The following ARL6IP6 variants were observed in gnomAD, a reference collection of about 807,000 sequenced individuals.
The protein encoded by ARL6IP6 is ADP-ribosylation factor-like protein 6-interacting protein 6.
A neutral mutation model predicts 21.5 loss-of-function variants in ARL6IP6; 22 were observed. That is an observed-to-expected ratio of 1.02 (90% CI 0.73 to 1.46). The LOEUF (loss-of-function observed/expected upper bound fraction) is 1.46, where lower values mean the gene tolerates loss of function less well. Ranked by LOEUF, ARL6IP6 falls within the 40% of genes most tolerant of loss-of-function variation. The pLI is 0.00. For synonymous variants in ARL6IP6, 164 were observed against 125.3 expected (o/e 1.31, Z -2.06); for missense variants, 388 against 299.8 (o/e 1.29, Z -2.17).
chr2:152,726,850 G>A (rs573522113), intron 2 of ARL6IP6, among the ~76,000 whole-genome samples: 1 of 152,168 alleles, frequency 6.6e-6, no homozygotes, highest in Middle Eastern at 3.4e-3. Flanking sequence ...TCACATGTTG[G>A]TGTTGATGCT....
At chr2:152,753,813 C>T (rs1274475101) in intron 3 of ARL6IP6, among the ~76,000 whole-genome samples, 1 of 151,796 alleles carries the variant, frequency 6.6e-6, no homozygotes, top group African/African-American at 2.4e-5. Context: ...CATTCTGCCT[C>T]AGCCTCACGA....
chr2:152,725,569 G>T (rs564370448), intron 2 of ARL6IP6, among the ~76,000 whole-genome samples: 1 of 151,958 alleles, frequency 6.6e-6, no homozygotes, highest in African/African-American at 2.4e-5. Context: ...GAGCAAAGAA[G>T]ATTGTTGTCC....
intron 3 of ARL6IP6, among the ~76,000 whole-genome samples, chr2:152,744,108 T>A (rs115665212): frequency 2.0e-5 from 3 of 152,268 alleles, no homozygotes; most frequent in Non-Finnish European, 4.4e-5. Flanking sequence ...TTTAATGACC[T>A]CGAACATCTA....
At chr2:152,729,077 T>C (rs1700178147) in intron 2 of ARL6IP6, among the ~76,000 whole-genome samples, 1 of 149,940 alleles carries the variant, frequency 6.7e-6, no homozygotes, top group Admixed American at 6.7e-5. Flanking sequence ...AAAAAATTAA[T>C]ATACATCACT....
chr2:152,729,713 C>T lies in ARL6IP6; in HGVS notation c.455-5281C>T, dbSNP rs73971959. On this transcript the variant is annotated intron_variant, in intron 2 of 3. Transcript: ENST00000326446. ...AAAATAAGCTGAGAAGATATATATA[C>T]GTTTTATATATAACTAGCTTTATAT... 4.1e-3 allele frequency among the ~76,000 whole-genome samples: 616 copies of T among 152,084 alleles called. 8 individuals carry two copies. The highest frequency in any genetic ancestry group is 0.014 in the African/African-American group (591 of 41,464).
rs1339238111 is a variant in ARL6IP6, at chr2:152,761,060, G to C, written c.*1220G>C. On this transcript the variant is annotated 3_prime_UTR_variant, in exon 4 of 4. Transcript: ENST00000326446. ...CTGGCCATAGGAAAACTTACAATAA[G>C]AAACCATTAAGTAGTCAAACTGCTT... 6.6e-6 allele frequency: 1 copy of C among 152,116 alleles called. No homozygotes were observed. The highest frequency in any genetic ancestry group is 1.5e-5 in the Non-Finnish European group (1 of 67,996). The allele number at this position is 152,116 out of a possible 1,614,324, so 9.4% of individuals were successfully genotyped here.
chr2:152,748,798 G>A (rs1184522335), intron 3 of ARL6IP6, among the ~76,000 whole-genome samples: 1 of 152,178 alleles, frequency 6.6e-6, no homozygotes, highest in East Asian at 1.9e-4. Context: ...GAAAATACAG[G>A]AATAAATATG....
rs933554669 is a variant in ARL6IP6 at position 152,760,868 on chromosome 2, G to A, written c.*1028G>A. 2.6e-5 allele frequency: 4 copies of A among 151,750 alleles called. No homozygotes were observed. The highest frequency in any genetic ancestry group is 9.7e-5 in the African/African-American group (4 of 41,306). 9.4% of individuals were successfully genotyped at this position (151,750 alleles called of 1,614,324 possible). On this transcript the variant is annotated 3_prime_UTR_variant, in exon 4 of 4. Coordinates refer to ENST00000326446, the MANE Select transcript of ARL6IP6 (RefSeq NM_152522.7). ...TACTAGATATTAAAAACTACATATA[G>A]TTAATATAATTTTATAATTTTTGTA... is the stretch of plus-strand genomic sequence containing the variant.
intron 2 of ARL6IP6, among the ~76,000 whole-genome samples, chr2:152,724,791 A>G (rs889986448): frequency 2.6e-5 from 4 of 152,186 alleles, no homozygotes; most frequent in South Asian, 2.1e-4. Context: ...ATGGAGCCCA[A>G]GAATTTTCAT....
At chr2:152,750,965 A>G (rs1057047353) in intron 3 of ARL6IP6, among the ~76,000 whole-genome samples, 1 of 152,232 alleles carries the variant, frequency 6.6e-6, no homozygotes, top group Non-Finnish European at 1.5e-5. Flanking sequence ...TCAAAAATAT[A>G]TAAGCCTTGT....
At chr2:152,732,481 C>G in intron 2 of ARL6IP6, 1 of 403,916 alleles carries the variant, frequency 2.5e-6, no homozygotes, top group Non-Finnish European at 5.0e-6. Flanking sequence ...TTGCATTTAA[C>G]TTTATATTTG....
At chr2:152,732,638 TATATAGTA>T (rs1329777132) in intron 2 of ARL6IP6, 5 of 419,698 alleles carry the variant, frequency 1.2e-5, no homozygotes, top group Admixed American at 3.2e-5. Context: ...TTGCTATGCA[TATATAGTA>T]ATATGTGTGT....
At chr2:152,718,443 C>T (rs1559214443), upstream of ARL6IP6, 2 of 803,950 alleles carry the variant, frequency 2.5e-6, no homozygotes, top group Non-Finnish European at 3.5e-6. Context: ...GAAGCGCATT[C>T]CGCCTCTCCT....
chr2:152,747,729 C>G (rs1202154464), intron 3 of ARL6IP6, among the ~76,000 whole-genome samples: 1 of 152,096 alleles, frequency 6.6e-6, no homozygotes, highest in Non-Finnish European at 1.5e-5. Flanking sequence ...GCCACCACAC[C>G]CAACTAAGTT....
intron 3 of ARL6IP6, among the ~76,000 whole-genome samples, chr2:152,740,726 A>G (rs1700770174): frequency 6.6e-6 from 1 of 152,038 alleles, no homozygotes; most frequent in Admixed American, 6.6e-5. Flanking sequence ...TGAGCCCAGG[A>G]GTTTATTATA....
chr2:152,729,614 A>G (rs1026707817), intron 2 of ARL6IP6, among the ~76,000 whole-genome samples: 1 of 152,190 alleles, frequency 6.6e-6, no homozygotes, highest in African/African-American at 2.4e-5. Context: ...GTGGGTGCTG[A>G]TAGGAAAGGT....
At chr2:152,730,606 T>G (rs895486686) in intron 2 of ARL6IP6, among the ~76,000 whole-genome samples, 10 of 152,134 alleles carry the variant, frequency 6.6e-5, no homozygotes, top group African/African-American at 2.4e-4. Flanking sequence ...TTCACCCAAT[T>G]CCAGGTTGGG....
chr2:152,725,177 G>A (rs1375850848), intron 2 of ARL6IP6, among the ~76,000 whole-genome samples: 1 of 152,146 alleles, frequency 6.6e-6, no homozygotes, highest in Non-Finnish European at 1.5e-5. Context: ...ATTTGATCTT[G>A]AAATTACCAC....
At chr2:152,739,683 A>G (rs1415802878) in intron 3 of ARL6IP6, among the ~76,000 whole-genome samples, 1 of 152,180 alleles carries the variant, frequency 6.6e-6, no homozygotes, top group Admixed American at 6.5e-5. Flanking sequence ...AGGTATGTTT[A>G]CAGCAGCAAC....
Sources: allele counts gnomAD v4.1 joint callset (sites outside exome capture counted in the v4.1 genomes callset), GRCh38; gene constraint gnomAD v4.1.1; transcripts MANE v1.5; gene names NCBI Gene and HGNC (gene_info 2026-07-23, HGNC 2026-07-21).